Variants in COLEC11 observed in about 807,000 individuals in gnomAD.
The protein encoded by COLEC11 is collectin subfamily member 11.
A neutral mutation model predicts 27.3 loss-of-function variants in COLEC11; 20 were observed. The observed-to-expected ratio is 0.73, with a 90% CI of 0.51 to 1.06. The LOEUF is 1.06. COLEC11 is among the 50% of genes least tolerant of loss of function. COLEC11 has a pLI of 0.00. For missense variants in COLEC11, 310 were observed against 383.0 expected (o/e 0.81, Z 1.59); for synonymous variants, 163 against 154.7 (o/e 1.05, Z -0.40).
At chr2:3,599,047 A>G (rs951605782) in intron 1 of COLEC11, among the ~76,000 whole-genome samples, 2 of 49,408 alleles carry the variant, frequency 4.0e-5, no homozygotes, top group Admixed American at 1.7e-4. Context: ...GTAGTCGGGC[A>G]GAAAGAGGAA....
intron 1 of COLEC11, among the ~76,000 whole-genome samples, chr2:3,603,241 C>T (rs1248290537): frequency 6.6e-6 from 1 of 152,218 alleles, no homozygotes; most frequent in East Asian, 1.9e-4. Flanking sequence ...TGTCCCTTTC[C>T]CTCTGTTTCC....
At chr2:3,611,229 G>A (rs1218281979) in intron 2 of COLEC11, among the ~76,000 whole-genome samples, 1 of 152,100 alleles carries the variant, frequency 6.6e-6, no homozygotes, top group Non-Finnish European at 1.5e-5. Flanking sequence ...TTTCTTATTA[G>A]TGCTGCCCTG....
At chr2:3,611,343 C>A (rs896326266) in intron 2 of COLEC11, among the ~76,000 whole-genome samples, 1 of 152,210 alleles carries the variant, frequency 6.6e-6, no homozygotes, top group Non-Finnish European at 1.5e-5. Flanking sequence ...CGTCTCTGCT[C>A]GGCTCTTTCC....
At chr2:3,639,546 C>T (rs1438002448) in intron 4 of COLEC11, among the ~76,000 whole-genome samples, 1 of 152,230 alleles carries the variant, frequency 6.6e-6, no homozygotes, top group Non-Finnish European at 1.5e-5. Context: ...GAAGTCTTTT[C>T]TCAGAGGCAT....
At chr2:3,611,834 C>T (rs1328603522) in intron 2 of COLEC11, among the ~76,000 whole-genome samples, 2 of 152,086 alleles carry the variant, frequency 1.3e-5, no homozygotes, top group African/African-American at 4.8e-5. Flanking sequence ...GATCTGTAAT[C>T]TCAACTGAGC....
intron 4 of COLEC11, among the ~76,000 whole-genome samples, chr2:3,638,039 A>G (rs73910311): frequency 0.035 from 5,332 of 152,298 alleles, 321 homozygotes; most frequent in African/African-American, 0.12. Flanking sequence ...TGGTGAGAAC[A>G]GGGTGTGGGA....
chr2:3,609,772 C>T (rs1487240891), intron 2 of COLEC11, among the ~76,000 whole-genome samples: 1 of 152,164 alleles, frequency 6.6e-6, no homozygotes, highest in Non-Finnish European at 1.5e-5. Context: ...TCAGGTGATC[C>T]ACCCGCCTTG....
intron 2 of COLEC11, among the ~76,000 whole-genome samples, chr2:3,609,294 G>A (rs998333954): frequency 1.3e-5 from 1 of 77,420 alleles, no homozygotes; most frequent in Non-Finnish European, 3.0e-5. Context: ...GTAATGTGTG[G>A]TGCTTTTCAG....
intron 3 of COLEC11, among the ~76,000 whole-genome samples, chr2:3,616,046 G>A (rs540648806): frequency 1.6e-4 from 24 of 151,432 alleles, no homozygotes; most frequent in Middle Eastern, 3.5e-3. Flanking sequence ...CTGAGGCGGG[G>A]CGGCCGGGCA....
At chr2:3,606,394 C>T (rs1237708915) in intron 2 of COLEC11, among the ~76,000 whole-genome samples, 4 of 152,148 alleles carry the variant, frequency 2.6e-5, no homozygotes, top group Non-Finnish European at 5.9e-5. Flanking sequence ...GGGTAGGGTC[C>T]CTTCTCAACC....
chr2:3,640,367 T>C lies in COLEC11; in HGVS notation c.328+36T>C, dbSNP rs530454677. ...AAGGGTCCAAGGATTTTTAATAAAA[T>C]GTATTAAAAATTGCACTTTTGAAAA... On this transcript the variant is annotated intron_variant, in intron 5 of 6. Transcript: ENST00000349077. 1.5e-4 allele frequency: 190 copies of C among 1,307,742 alleles called. 2 individuals carry two copies. The South Asian group carries it at 2.2e-3, about 15-fold the overall frequency. The allele number at this position is 1,307,742 out of a possible 1,614,324, so 81.0% of individuals were successfully genotyped here. A position where few individuals can be genotyped will look rare whatever the true frequency, so the allele number is the denominator to read the frequency against.
At chr2:3,621,950 G>A (rs1164355255) in intron 3 of COLEC11, among the ~76,000 whole-genome samples, 6 of 151,916 alleles carry the variant, frequency 3.9e-5, no homozygotes, top group Non-Finnish European at 8.8e-5. Flanking sequence ...AGGCTGAGGC[G>A]GGTGGATCAC....
At chr2:3,606,242 A>T (rs1444185878) in intron 2 of COLEC11, 1 of 1,550,330 alleles carries the variant, frequency 6.5e-7, no homozygotes, top group South Asian at 1.2e-5. Context: ...GCGCCCTGCC[A>T]GGTCAGTAGC....
rs1158197041 is a variant in COLEC11 at position 3,644,621 on chromosome 2, A to C, written c.*503A>C. 2.8e-6 allele frequency: 1 copy of C among 360,924 alleles called. No homozygotes were observed. Among genetic ancestry groups the C allele is most frequent in the Non-Finnish European group, 5.4e-6 (1 of 184,974 alleles). The allele number at this position is 360,924 out of a possible 1,614,324, so 22.4% of individuals were successfully genotyped here. On this transcript the variant is annotated 3_prime_UTR_variant, in exon 7 of 7. Transcript: ENST00000349077. ...CTTCAAACCCAGATTTCAGGAAAAC[A>C]ACAACAAAATTCTCCAAACTTTACT... is the stretch of plus-strand genomic sequence containing the variant.
chr2:3,600,705 A>G (rs1662154898), intron 1 of COLEC11, among the ~76,000 whole-genome samples: 1 of 152,268 alleles, frequency 6.6e-6, no homozygotes, highest in African/African-American at 2.4e-5. Context: ...AGGCAGGTGC[A>G]CTCACCAGTG....
intron 3 of COLEC11, among the ~76,000 whole-genome samples, chr2:3,613,976 C>CTTTTT (rs1461288131): frequency 3.3e-5 from 3 of 91,324 alleles, no homozygotes; most frequent in African/African-American, 1.0e-4. Flanking sequence ...TTCTTTCTTT[C>CTTTTT]TTTCTTTTTT....
chr2:3,600,032 G>A (rs1241700532), intron 1 of COLEC11, among the ~76,000 whole-genome samples: 1 of 151,656 alleles, frequency 6.6e-6, no homozygotes, highest in Admixed American at 6.6e-5. Flanking sequence ...TCAGGAGATG[G>A]AGACCATTCT....
chr2:3,633,497 A>C (rs994723189), intron 3 of COLEC11, among the ~76,000 whole-genome samples: 4 of 152,194 alleles, frequency 2.6e-5, no homozygotes, highest in African/African-American at 9.7e-5. Flanking sequence ...TGTGGGACCC[A>C]GTCCCTGCCA....
chr2:3,611,895 G>T (rs879090154), intron 2 of COLEC11, among the ~76,000 whole-genome samples: 2 of 152,170 alleles, frequency 1.3e-5, no homozygotes, highest in South Asian at 4.1e-4. Flanking sequence ...GCGGCAAGCC[G>T]TCCAGGTGCC....
Sources: allele counts gnomAD v4.1 joint callset (sites outside exome capture counted in the v4.1 genomes callset), GRCh38; gene constraint gnomAD v4.1.1; transcripts MANE v1.5; gene names NCBI Gene and HGNC (gene_info 2026-07-23, HGNC 2026-07-21).